PSEN1: variants seen among roughly 807,000 people sequenced by gnomAD.
The protein encoded by PSEN1 is presenilin-1.
Under a neutral mutation model 53.5 loss-of-function variants are expected in PSEN1, and 15 were observed. The ratio of observed to expected loss-of-function variants is 0.28; its 90% confidence interval spans 0.19 to 0.43. PSEN1 has a LOEUF of 0.43. PSEN1 is among the 20% of genes least tolerant of loss of function. The probability of loss-of-function intolerance (pLI) is 1.00; values close to 1 mark genes in which losing one functional copy is unlikely to be tolerated. For missense variants in PSEN1, 387 were observed against 571.2 expected, an observed-to-expected ratio of 0.68 and a Z score of 3.29; for synonymous variants, 208 against 209.8, an observed-to-expected ratio of 0.99 and a Z score of 0.08.
chr14:73,172,136 G>C (rs549137642), intron 4 of PSEN1, among the ~76,000 whole-genome samples: 1 of 152,138 alleles, frequency 6.6e-6, no homozygotes, highest in African/African-American at 2.4e-5. Context: ...TAGACTCCTG[G>C]GGGGCTATCA....
At chr14:73,155,950 A>C (rs1349770994) in intron 3 of PSEN1, among the ~76,000 whole-genome samples, 1 of 152,178 alleles carries the variant, frequency 6.6e-6, no homozygotes, top group Non-Finnish European at 1.5e-5. Context: ...GGTTTACCAC[A>C]GTGGTGCAGG....
chr14:73,162,405 G>C (rs1429944966), intron 3 of PSEN1, among the ~76,000 whole-genome samples: 1 of 151,458 alleles, frequency 6.6e-6, no homozygotes, highest in Non-Finnish European at 1.5e-5. Context: ...CACAGGGAGG[G>C]CAATTTGGCA....
At position 73,222,466 on chromosome 14, in the gene PSEN1, G is replaced by GTC. The variant is rs1900136047; in HGVS notation, c.*3180_*3181dup. 6.6e-6 allele frequency: 1 copy of GTC among 152,142 alleles called. No individual in the cohort carries two copies. Among genetic ancestry groups the GTC allele is most frequent in the Non-Finnish European group, 1.5e-5 (1 of 68,034 alleles). The allele number at this position is 152,142 out of a possible 1,614,324, so 9.4% of individuals were successfully genotyped here. A position where few individuals can be genotyped will look rare whatever the true frequency, so the allele number is the denominator to read the frequency against. On this transcript the variant is annotated 3_prime_UTR_variant, in exon 12 of 12. Transcript: ENST00000324501. ...AATATAAGTTTAACTACCAAATAAGGTCTCCCAGGGTTAGATGACTGCGGG... is the reference window on the plus strand; with the variant it reads ...AATATAAGTTTAACTACCAAATAAGGTCTCTCCCAGGGTTAGATGACTGCGGG...
chr14:73,194,857 C>T (rs1566643581), intron 7 of PSEN1, among the ~76,000 whole-genome samples: 1 of 152,004 alleles, frequency 6.6e-6, no homozygotes, highest in African/African-American at 2.4e-5. Flanking sequence ...CATGAGCCAC[C>T]GTGCCCGGCC....
At chr14:73,181,829 A>G (rs1244840542) in intron 5 of PSEN1, among the ~76,000 whole-genome samples, 1 of 152,100 alleles carries the variant, frequency 6.6e-6, no homozygotes, top group Non-Finnish European at 1.5e-5. Context: ...GCTGGAATGT[A>G]GTGGCACTGT....
rs190112607 is a variant in PSEN1 at position 73,196,936 on chromosome 14, T to C, written c.770-1095T>C. Among the ~76,000 whole-genome samples, 904 of 146,626 alleles carry C rather than the reference T, an allele frequency of 6.2e-3. 4 individuals carry two copies. The highest frequency in any genetic ancestry group is 0.019 in the African/African-American group (743 of 40,092). ...CTGAATTTTCTTTCTTTCTTTCTTT[T>C]TTTTTTTTTTTTTTGAGACGGAGTC... On this transcript the variant is annotated intron_variant, in intron 7 of 11. Transcript: ENST00000324501.
chr14:73,150,119 A>G (rs1168854384), intron 3 of PSEN1, among the ~76,000 whole-genome samples: 1 of 152,226 alleles, frequency 6.6e-6, no homozygotes, highest in Non-Finnish European at 1.5e-5. Flanking sequence ...AGTATGGCAC[A>G]TAATGTAATA....
intron 7 of PSEN1, among the ~76,000 whole-genome samples, chr14:73,193,381 CT>C (rs1161519332): frequency 5.3e-5 from 8 of 151,662 alleles, no homozygotes; most frequent in Admixed American, 2.6e-4. Flanking sequence ...CCCGTCTCTA[CT>C]AAAAATACAA....
chr14:73,146,873 A>T (rs781642175), intron 1 of PSEN1, among the ~76,000 whole-genome samples: 2 of 152,168 alleles, frequency 1.3e-5, no homozygotes, highest in African/African-American at 2.4e-5. Flanking sequence ...TTCTGTGAAA[A>T]GGAAGAGTTG....
chr14:73,209,846 G>C (rs1244071468), intron 9 of PSEN1, among the ~76,000 whole-genome samples: 1 of 152,198 alleles, frequency 6.6e-6, no homozygotes, highest in Non-Finnish European at 1.5e-5. Flanking sequence ...TGAACTGCAG[G>C]CTTCCTCAGT....
intron 3 of PSEN1, among the ~76,000 whole-genome samples, chr14:73,155,278 CTT>C (rs1676331174): frequency 6.6e-6 from 1 of 152,086 alleles, no homozygotes; most frequent in South Asian, 2.1e-4. Flanking sequence ...GCATTATGAT[CTT>C]TGGCAAATTA....
intron 7 of PSEN1, among the ~76,000 whole-genome samples, chr14:73,195,732 C>CA (rs1188668125): frequency 6.6e-6 from 1 of 152,124 alleles, no homozygotes; most frequent in Non-Finnish European, 1.5e-5. Flanking sequence ...GATAAGACTA[C>CA]AGGCACAGGT....
chr14:73,150,411 G>A (rs1304144595), intron 3 of PSEN1, among the ~76,000 whole-genome samples: 1 of 152,022 alleles, frequency 6.6e-6, no homozygotes, highest in African/African-American at 2.4e-5. Flanking sequence ...TGAGTATTAG[G>A]CTTACTATAA....
At chr14:73,218,661 T>TCCCGCACAGCATAGAGAATGCC (rs1900023080) in intron 11 of PSEN1, among the ~76,000 whole-genome samples, 4 of 148,038 alleles carry the variant, frequency 2.7e-5, no homozygotes, top group Admixed American at 6.7e-5. Context: ...TAAAGAATGC[T>TCCCGCACAGCATAGAGAATGCC]CCCGCACAGC....
chr14:73,173,189 C>G (rs2140042264), intron 4 of PSEN1, among the ~76,000 whole-genome samples: 1 of 152,326 alleles, frequency 6.6e-6, no homozygotes, highest in East Asian at 1.9e-4. Context: ...TACCTTTCTT[C>G]TGACAACCAC....
chr14:73,202,468 T>TA (rs1566648463), intron 8 of PSEN1, among the ~76,000 whole-genome samples: 1 of 48,022 alleles, frequency 2.1e-5, no homozygotes, highest in African/African-American at 8.3e-5. Flanking sequence ...ATATATTTTT[T>TA]TTTTTTTTTT....
At chr14:73,181,453 A>G (rs552586362) in intron 5 of PSEN1, among the ~76,000 whole-genome samples, 5 of 152,180 alleles carry the variant, frequency 3.3e-5, no homozygotes, top group East Asian at 1.9e-4. Context: ...CAATCAATCA[A>G]TCAGTCAATC....
intron 10 of PSEN1, among the ~76,000 whole-genome samples, chr14:73,214,130 G>T (rs565502483): frequency 1.3e-5 from 2 of 152,210 alleles, no homozygotes; most frequent in African/African-American, 4.8e-5. Context: ...TTCATACAAT[G>T]GAATATTACT....
rs529794579 is a variant in PSEN1, at chr14:73,158,259, G to A, written c.87+10153G>A. 2.0e-5 allele frequency among the ~76,000 whole-genome samples: 3 copies of A among 151,370 alleles called. No homozygotes were observed. The South Asian group carries it at 6.3e-4, about 32-fold the overall frequency. On this transcript the variant is annotated intron_variant, in intron 3 of 11. Transcript: ENST00000324501. ...TAGGAGTAGAATATGATCCAATATG[G>A]TAGGTGTATATTTAACTTTTTTTTC...
Sources: gnomAD v4.1 joint callset for allele counts (sites outside exome capture counted in the v4.1 genomes callset) on GRCh38, gnomAD v4.1.1 for gene constraint, MANE v1.5 for transcripts, NCBI Gene and HGNC (gene_info 2026-07-23, HGNC 2026-07-21) for gene names.